Variants in IFT122 observed in about 807,000 individuals in gnomAD.
The protein encoded by IFT122 is intraflagellar transport protein 122 homolog.
A neutral mutation model predicts 161.6 loss-of-function variants in IFT122; 118 were observed. The observed-to-expected ratio is 0.73, with a 90% confidence interval of 0.63 to 0.85. The LOEUF (loss-of-function observed/expected upper bound fraction) is 0.85, where lower values mean the gene tolerates loss of function less well. Ranked by LOEUF, IFT122 falls within the 40% of genes least tolerant of loss-of-function variation. The probability of loss-of-function intolerance (pLI) is 0.00; values close to 1 mark genes in which losing one functional copy is unlikely to be tolerated. For missense variants in IFT122, 1,381 were observed against 1,579.6 expected, an observed-to-expected ratio of 0.87 and a Z score of 2.13; for synonymous variants, 550 against 602.4, an observed-to-expected ratio of 0.91 and a Z score of 1.27.
intron 25 of IFT122, 121 bp downstream of exon 25, chr3:129,514,675 G>A: frequency 8.6e-7 from 1 of 1,164,018 alleles, no homozygotes. Flanking sequence ...TAGGCTCTGT[G>A]CCCCCTGCTC....
chr3:129,447,615 CAA>C (rs2074181224), intron 1 of IFT122, among the ~76,000 whole-genome samples: 1 of 152,186 alleles, frequency 6.6e-6, no homozygotes, highest in South Asian at 2.1e-4. Flanking sequence ...CGGGTTCAAG[CAA>C]TTCTCCTGCC....
chr3:129,481,858 T>C (rs949052882), intron 14 of IFT122, among the ~76,000 whole-genome samples, 164 bp downstream of exon 14: 1 of 152,212 alleles, frequency 6.6e-6, no homozygotes, highest in Admixed American at 6.5e-5. Flanking sequence ...GGCCACAACC[T>C]GCTCCTCCCA....
At chr3:129,456,113 G>C (rs530168997) in intron 3 of IFT122, 66 of 515,040 alleles carry the variant, frequency 1.3e-4, no homozygotes, top group African/African-American at 1.2e-3. Context: ...TTTCAAATAA[G>C]GAAATGAAAG....
intron 23 of IFT122, among the ~76,000 whole-genome samples, chr3:129,510,131 G>T (rs961501325): frequency 1.3e-5 from 2 of 152,272 alleles, no homozygotes; most frequent in Non-Finnish European, 2.9e-5. Context: ...CATGATCATA[G>T]CTCATGGCAG....
At chr3:129,476,176 GAC>G (rs2077923625) in intron 9 of IFT122, 137 bp from the exon 10 acceptor site, 1 of 856,036 alleles carries the variant, frequency 1.2e-6, no homozygotes, top group Non-Finnish European at 1.9e-6. Flanking sequence ...ACCATGGGAT[GAC>G]ACAGGAGAAA....
intron 14 of IFT122, among the ~76,000 whole-genome samples, chr3:129,482,282 A>G (rs1202652994): frequency 6.6e-6 from 1 of 152,148 alleles, no homozygotes; most frequent in East Asian, 1.9e-4. Flanking sequence ...TGGCCTGAGG[A>G]AGTGTGTCAC....
In IFT122 at chr3:129,476,766, A is replaced by G. The variant is rs767945902; in HGVS notation, c.1112A>G (p.Asp371Gly). 4 of 1,614,186 alleles carry G rather than the reference A, an allele frequency of 2.5e-6. No homozygotes were observed. The highest frequency in any genetic ancestry group is 3.4e-6 in the Non-Finnish European group (4 of 1,180,040). The change falls in exon 11 of 30, where the codon GAC becomes GGC. Residue 371 changes from aspartate (D) to glycine (G), a missense_variant. Physicochemically the swap from Asp to Gly is moderately conservative, Grantham distance 94. Coordinates refer to ENST00000348417, the MANE Select transcript of IFT122 (RefSeq NM_052989.3). Reference protein sequence around the residue: ...DRYAYRDSMTDVIVQHLITEQ... With the variant: ...DRYAYRDSMTGVIVQHLITEQ... Reference sequence around the variant, plus strand: ...TATGCCTACAGGGATAGCATGACTGACGTCATTGTGCAGCACCTGATCACT... The same window carrying G: ...TATGCCTACAGGGATAGCATGACTGGCGTCATTGTGCAGCACCTGATCACT...
chr3:129,503,486 C>T (rs1343708703), intron 20 of IFT122, among the ~76,000 whole-genome samples: 2 of 152,088 alleles, frequency 1.3e-5, no homozygotes, highest in East Asian at 3.9e-4. Context: ...ATGGCTCAAC[C>T]CCCACCCTCC....
intron 23 of IFT122, among the ~76,000 whole-genome samples, chr3:129,512,082 C>G (rs1007225884): frequency 6.6e-6 from 1 of 152,084 alleles, no homozygotes; most frequent in Non-Finnish European, 1.5e-5. Context: ...ATCTAGGTGT[C>G]GGTTTCCTCA....
intron 3 of IFT122, among the ~76,000 whole-genome samples, chr3:129,455,372 C>T (rs1383721173): frequency 6.6e-6 from 1 of 151,978 alleles, no homozygotes; most frequent in Non-Finnish European, 1.5e-5. Context: ...AGGGTTTCAC[C>T]ATGTTGGTCG....
chr3:129,515,149 T>C (rs972106752), intron 25 of IFT122: 82 of 458,296 alleles, frequency 1.8e-4, no homozygotes, highest in Non-Finnish European at 2.7e-4. Context: ...TGAGCCAGTA[T>C]AGTCCACGTG....
At chr3:129,446,504 C>T (rs896931648) in intron 1 of IFT122, among the ~76,000 whole-genome samples, 16 of 152,042 alleles carry the variant, frequency 1.1e-4, no homozygotes, top group Admixed American at 8.5e-4. Flanking sequence ...CATGAGCCAC[C>T]GCGCCCGGCC....
chr3:129,479,653 T>C (rs565339774), intron 12 of IFT122, 132 bp from the exon 13 acceptor site: 1 of 1,122,376 alleles, frequency 8.9e-7, no homozygotes, highest in African/African-American at 1.5e-5. Context: ...TCGTGGGGTC[T>C]ACATTGGGTT....
intron 1 of IFT122, among the ~76,000 whole-genome samples, chr3:129,445,204 T>C (rs2073840045): frequency 6.6e-6 from 1 of 152,120 alleles, no homozygotes; most frequent in African/African-American, 2.4e-5. Context: ...CAGGCACCTG[T>C]CATCCCAGCT....
intron 15 of IFT122, among the ~76,000 whole-genome samples, chr3:129,485,823 G>C (rs947425407): frequency 6.6e-6 from 1 of 152,246 alleles, no homozygotes; most frequent in African/African-American, 2.4e-5. Context: ...GACGCAGCGG[G>C]TCAGGACTGC....
intron 1 of IFT122, among the ~76,000 whole-genome samples, chr3:129,449,413 G>A (rs1247589209): frequency 1.3e-5 from 2 of 152,206 alleles, no homozygotes; most frequent in Admixed American, 1.3e-4. Flanking sequence ...TTGTGAAAGT[G>A]TCTGTTTCAC....
At position 129,459,612 on chromosome 3, in the gene IFT122, C is replaced by T. The variant is rs1159044298; in HGVS notation, c.272+935C>T. Among the ~76,000 whole-genome samples, 62 of 89,580 alleles carry T rather than the reference C, an allele frequency of 6.9e-4. 1 individual carries two copies. Among genetic ancestry groups the T allele is most frequent in the African/African-American group, 4.7e-3 (60 of 12,808 alleles). 58.8% of individuals were successfully genotyped at this position (89,580 alleles called of 152,430 possible). A position where few individuals can be genotyped will look rare whatever the true frequency, so the allele number is the denominator to read the frequency against. The stretch of plus-strand genomic sequence containing the variant: ...ACCAATTTTCCTTCCTTCCTTCTTT[C>T]CTTCCTTCCTTCCTTCCTTCCTTCC... On this transcript the variant is annotated intron_variant, in intron 4 of 29. Transcript: ENST00000348417.
At chr3:129,487,350 C>T (rs1206629226) in intron 15 of IFT122, among the ~76,000 whole-genome samples, 2 of 151,740 alleles carry the variant, frequency 1.3e-5, no homozygotes, top group Non-Finnish European at 2.9e-5. Context: ...AGTCCAGTCA[C>T]CTCTGGCTAT....
At position 129,497,109 on chromosome 3, in the gene IFT122, T is replaced by C. The variant is rs566225729; in HGVS notation, c.2208+1502T>C. Reference sequence around the variant, plus strand: ...CAGCCTGGGCAATATGGTGAAACCCTCTCTCTACCAAAAATGCAAAAAATT... The same window carrying C: ...CAGCCTGGGCAATATGGTGAAACCCCCTCTCTACCAAAAATGCAAAAAATT... On this transcript the variant is annotated intron_variant, in intron 18 of 29. Transcript: ENST00000348417. Among the ~76,000 whole-genome samples the C allele has an allele frequency of 2.0e-4, 30 of 152,178 alleles. 2 individuals carry two copies. In the South Asian group the frequency reaches 6.2e-3, roughly 32 times the overall value.
Sources: allele counts gnomAD v4.1 joint callset (sites outside exome capture counted in the v4.1 genomes callset), GRCh38; gene constraint gnomAD v4.1.1; transcripts MANE v1.5; gene names NCBI Gene and HGNC (gene_info 2026-07-23, HGNC 2026-07-21).